Variants in CUX1 observed in about 807,000 individuals in gnomAD.
CUX1 encodes the protein protein CASP.
A neutral mutation model predicts 158.8 loss-of-function variants in CUX1; 31 were observed. The ratio of observed to expected loss-of-function variants is 0.20; its 90% CI spans 0.15 to 0.26. CUX1 has a LOEUF of 0.26. CUX1 is among the 10% of genes least tolerant of loss of function. The pLI, the probability that CUX1 is intolerant of heterozygous loss-of-function variation, is 1.00. For missense variants in CUX1, 1,589 were observed against 2,014.6 expected (o/e 0.79, Z 4.04); for synonymous variants, 879 against 862.1 (o/e 1.02, Z -0.34).
intron 23 of CUX1, among the ~76,000 whole-genome samples, chr7:102,247,796 G>A (rs532343109): frequency 6.6e-6 from 1 of 152,316 alleles, no homozygotes. Context: ...ACTCCAGTCT[G>A]GGTGACAGAA....
At chr7:102,164,331 A>G (rs112816037) in intron 9 of CUX1, among the ~76,000 whole-genome samples, 1 of 152,262 alleles carries the variant, frequency 6.6e-6, no homozygotes. Flanking sequence ...CTTTGAAGCC[A>G]GCATTTCTTT....
At chr7:102,280,449 A>T (rs1791977014) in intron 19 of CUX1, among the ~76,000 whole-genome samples, 1 of 152,188 alleles carries the variant, frequency 6.6e-6, no homozygotes, top group Non-Finnish European at 1.5e-5. Context: ...CAGGCAGACA[A>T]GGAAAAACCA....
At position 101,869,178 on chromosome 7, in the gene CUX1, A is replaced by AG. The variant is rs1159851095; in HGVS notation, c.31-46932dup. Among the ~76,000 whole-genome samples, 1 of 152,078 alleles carries AG rather than the reference A, an allele frequency of 6.6e-6. No individual in the cohort carries two copies. Among genetic ancestry groups the AG allele is most frequent in the African/African-American group, 2.4e-5 (1 of 41,504 alleles). On this transcript the variant is annotated intron_variant, in intron 1 of 23. Transcript: ENST00000292535. The surrounding 1 kb of genome is among the most constrained non-coding windows in gnomAD (Gnocchi z 4.5). ...GTGGGAATGGCTGGTGGGGGCAGGTAGGGGGAGACCAGGATGAGCCCCATG... is the reference window on the plus strand; with the variant it reads ...GTGGGAATGGCTGGTGGGGGCAGGTAGGGGGGAGACCAGGATGAGCCCCATG...
rs147205984 is a variant in CUX1, at chr7:101,905,785, G to A, written c.31-10330G>A. On this transcript the variant is annotated intron_variant, in intron 1 of 23. Transcript: ENST00000292535. ...AACACGCAGTGTTTCTTATTAACCC[G>A]CCAGATAACCAGAAAATCAGTCTTT... 3.2e-3 allele frequency among the ~76,000 whole-genome samples: 489 copies of A among 152,226 alleles called. 2 individuals carry two copies. The highest frequency in any genetic ancestry group is 5.0e-3 in the Non-Finnish European group (341 of 68,030).
Position 102,254,542 on chromosome 7 carries a change from T to TG in CUX1, c.*5503dup. ...AGCTCCTGGGGCTGGTGGTTGGAGG[T>TG]GGGTCTGTCCACTGTGGGGGCCAAA... On this transcript the variant is annotated 3_prime_UTR_variant, in exon 24 of 24. Coordinates refer to ENST00000292535, the MANE Select transcript of CUX1 (RefSeq NM_181552.4). 1.0e-6 allele frequency: 1 copy of TG among 985,366 alleles called. No homozygotes were observed. Among genetic ancestry groups the TG allele is most frequent in the Non-Finnish European group, 1.2e-6 (1 of 829,974 alleles). The allele number at this position is 985,366 out of a possible 1,614,324, so 61.0% of individuals were successfully genotyped here.
At chr7:101,890,814 G>A (rs1800802610) in intron 1 of CUX1, among the ~76,000 whole-genome samples, 1 of 152,138 alleles carries the variant, frequency 6.6e-6, no homozygotes, top group Non-Finnish European at 1.5e-5. Context: ...GGCTGTGGCT[G>A]TTACCGTCAC....
intron 19 of CUX1, chr7:102,280,679 C>A: frequency 1.1e-6 from 1 of 887,780 alleles, no homozygotes; most frequent in South Asian, 1.5e-5. Context: ...ACCCTGGCAG[C>A]CCCCTGGGGG....
At chr7:101,818,735 T>G (rs1792158495) in intron 1 of CUX1, among the ~76,000 whole-genome samples, 3 of 152,306 alleles carry the variant, frequency 2.0e-5, no homozygotes, top group South Asian at 4.1e-4. Context: ...AATGTCAAAG[T>G]TCAAGTCTCA....
intron 8 of CUX1, among the ~76,000 whole-genome samples, chr7:102,124,430 G>A (rs1297627251): frequency 2.6e-5 from 4 of 152,254 alleles, no homozygotes; most frequent in Non-Finnish European, 5.9e-5. Flanking sequence ...GTGAGGAAGT[G>A]ACCTATGTGC....
chr7:101,957,162 T>G (rs1022766566), intron 2 of CUX1, among the ~76,000 whole-genome samples: 10 of 152,154 alleles, frequency 6.6e-5, no homozygotes, highest in Non-Finnish European at 1.2e-4. Context: ...TGATATCACC[T>G]AAAGTAAGAA....
chr7:102,177,935 C>T (rs563228507), intron 10 of CUX1, among the ~76,000 whole-genome samples: 6 of 152,126 alleles, frequency 3.9e-5, no homozygotes, highest in Admixed American at 2.6e-4. Context: ...TTCCTTTGCC[C>T]AGGCTGAAGT....
chr7:102,266,610 C>A (rs1554545137), intron 14 of CUX1, among the ~76,000 whole-genome samples: 1 of 151,978 alleles, frequency 6.6e-6, no homozygotes, highest in African/African-American at 2.4e-5. Flanking sequence ...TGCGGATGGT[C>A]CCTGTGCAGC....
chr7:101,898,676 C>T (rs1284339174), intron 1 of CUX1, among the ~76,000 whole-genome samples: 3 of 151,322 alleles, frequency 2.0e-5, no homozygotes, highest in African/African-American at 4.9e-5. Context: ...CTGCAACCTC[C>T]GCCTCCCGGG....
chr7:101,923,741 A>C (rs1805249416), intron 2 of CUX1, among the ~76,000 whole-genome samples: 1 of 152,214 alleles, frequency 6.6e-6, no homozygotes, highest in African/African-American at 2.4e-5. Flanking sequence ...TGTCACACCC[A>C]GGTCTCCATC....
At position 102,250,742 on chromosome 7, in the gene CUX1, CTA is replaced by C; in HGVS notation, c.*1702_*1703del. 10 of 985,398 alleles carry C rather than the reference CTA, an allele frequency of 1.0e-5. No individual in the cohort carries two copies. The highest frequency in any genetic ancestry group is 1.2e-5 in the Non-Finnish European group (10 of 829,938). The allele number at this position is 985,398 out of a possible 1,614,324, so 61.0% of individuals were successfully genotyped here. A position where few individuals can be genotyped will look rare whatever the true frequency, so the allele number is the denominator to read the frequency against. ...AACTTGTCTCTGATTCCTCCCTTGTCTATGTGTATATGCGTGAGAATAGAGGC... is the reference window on the plus strand; with the variant it reads ...AACTTGTCTCTGATTCCTCCCTTGTCTGTGTATATGCGTGAGAATAGAGGC... On this transcript the variant is annotated 3_prime_UTR_variant, in exon 24 of 24. Coordinates refer to ENST00000292535, the MANE Select transcript of CUX1 (RefSeq NM_181552.4).
At chr7:101,985,258 C>T (rs1814133500) in intron 2 of CUX1, among the ~76,000 whole-genome samples, 2 of 152,098 alleles carry the variant, frequency 1.3e-5, no homozygotes, top group South Asian at 4.2e-4. Context: ...TTCTGAGCTG[C>T]TCTGCAGACG....
intron 8 of CUX1, among the ~76,000 whole-genome samples, chr7:102,119,543 C>T (rs529192157): frequency 1.3e-5 from 2 of 152,272 alleles, no homozygotes; most frequent in Admixed American, 6.5e-5. Flanking sequence ...TAAAAGTGTT[C>T]TTCTTCATGT....
chr7:102,111,375 G>A lies in CUX1; in HGVS notation c.531-323G>A, dbSNP rs1830861986. Reference sequence around the variant, plus strand: ...TTGCGCTAACTTCAGAAAACAATGAGTGCATGATGATGATTTTTTTTTTTC... The same window carrying A: ...TTGCGCTAACTTCAGAAAACAATGAATGCATGATGATGATTTTTTTTTTTC... On this transcript the variant is annotated intron_variant, in intron 6 of 23. Coordinates refer to ENST00000292535, the MANE Select transcript of CUX1 (RefSeq NM_181552.4). Among the ~76,000 whole-genome samples the A allele has an allele frequency of 2.0e-5, 3 of 152,100 alleles. No homozygotes were observed. The South Asian group carries it at 6.2e-4, about 31-fold the overall frequency.
At chr7:102,266,626 C>T (rs189422792) in intron 14 of CUX1, among the ~76,000 whole-genome samples, 1 of 152,140 alleles carries the variant, frequency 6.6e-6, no homozygotes, top group African/African-American at 2.4e-5. Context: ...GCAGCAGCGG[C>T]AAGAAGCTTA....
Sources: gnomAD v4.1 joint callset for allele counts (sites outside exome capture counted in the v4.1 genomes callset) on GRCh38, gnomAD v4.1.1 for gene constraint, Gnocchi (gnomAD v3.1) non-coding constraint, MANE v1.5 for transcripts, NCBI Gene and HGNC (gene_info 2026-07-23, HGNC 2026-07-21) for gene names.